SLC7A11: variants seen among roughly 807,000 people sequenced by gnomAD.
SLC7A11 encodes the protein solute carrier family 7 member 11, also known as cystine/glutamate transporter.
A neutral mutation model predicts 54.5 loss-of-function variants in SLC7A11; 35 were observed. That is an observed-to-expected ratio of 0.64 (90% CI 0.49 to 0.85). The LOEUF is 0.85. Among genes scored for constraint, SLC7A11 ranks in the 40% least tolerant of loss-of-function variants. The pLI, the probability that SLC7A11 is intolerant of heterozygous loss-of-function variation, is 0.00. For synonymous variants in SLC7A11, 230 were observed against 225.2 expected (o/e 1.02, Z -0.19); for missense variants, 583 against 618.1 (o/e 0.94, Z 0.60).
In SLC7A11 at chr4:138,236,307, T is replaced by G. The variant is rs1560741698; in HGVS notation, c.404+18A>C. 1 of 1,585,552 alleles carries G rather than the reference T, an allele frequency of 6.3e-7. No homozygotes were observed. Among genetic ancestry groups the G allele is most frequent in the Non-Finnish European group, 8.5e-7 (1 of 1,171,178 alleles). On this transcript the variant is annotated intron_variant, in intron 2 of 11. Coordinates refer to ENST00000280612, the MANE Select transcript of SLC7A11 (RefSeq NM_014331.4). ...GAATTGGTTTATTTTTTCTTAATTC[T>G]TTCTACTATGCTCTTACCGTATTAT... is the stretch of plus-strand genomic sequence containing the variant.
intron 11 of SLC7A11, among the ~76,000 whole-genome samples, chr4:138,172,741 G>A (rs1736465944): frequency 6.6e-6 from 1 of 152,202 alleles, no homozygotes; most frequent in Non-Finnish European, 1.5e-5. Context: ...TTTTCCTTCA[G>A]AACCATTGAG....
intron 3 of SLC7A11, among the ~76,000 whole-genome samples, chr4:138,227,419 T>G (rs1212752795): frequency 1.3e-5 from 2 of 152,206 alleles, no homozygotes; most frequent in Non-Finnish European, 2.9e-5. Flanking sequence ...AGTTTGTATC[T>G]AGGATCTCAC....
intron 6 of SLC7A11, among the ~76,000 whole-genome samples, chr4:138,194,270 G>GC (rs1025259268): frequency 6.6e-6 from 1 of 152,076 alleles, no homozygotes; most frequent in African/African-American, 2.4e-5. Context: ...CCTCCTGTAA[G>GC]CCCTCCCTCT....
rs948828626 is a variant in SLC7A11, at chr4:138,219,118, T to A, written c.746+148A>T. On this transcript the variant is annotated intron_variant, in intron 5 of 11. Coordinates refer to ENST00000280612, the MANE Select transcript of SLC7A11 (RefSeq NM_014331.4). ...AAAGTAATTGGCCTGGTGGAGGGGATAATACCTTATTTCTCATTTCAAGTA... is the reference window on the plus strand; with the variant it reads ...AAAGTAATTGGCCTGGTGGAGGGGAAAATACCTTATTTCTCATTTCAAGTA... 4.3e-5 allele frequency: 24 copies of A among 561,950 alleles called. No individual in the cohort carries two copies. The South Asian group carries it at 5.7e-4, about 13-fold the overall frequency. 34.8% of individuals were successfully genotyped at this position (561,950 alleles called of 1,614,324 possible).
At chr4:138,193,673 C>T (rs1485469748) in intron 6 of SLC7A11, among the ~76,000 whole-genome samples, 1 of 152,090 alleles carries the variant, frequency 6.6e-6, no homozygotes, top group African/African-American at 2.4e-5. Context: ...GTGGCAGGCA[C>T]CTGTAATCCC....
At chr4:138,188,578 T>A (rs945149145) in intron 6 of SLC7A11, among the ~76,000 whole-genome samples, 1 of 152,172 alleles carries the variant, frequency 6.6e-6, no homozygotes, top group African/African-American at 2.4e-5. Flanking sequence ...GTTTCAGGTA[T>A]CAAAGTGTAA....
intron 11 of SLC7A11, chr4:138,177,058 A>G (rs575918254): frequency 1.3e-5 from 2 of 152,240 alleles, no homozygotes; most frequent in East Asian, 1.9e-4. Flanking sequence ...CAAAATCCAG[A>G]TATAAATATT....
intron 3 of SLC7A11, among the ~76,000 whole-genome samples, chr4:138,223,542 G>A (rs1228998643): frequency 2.0e-5 from 3 of 152,146 alleles, no homozygotes; most frequent in Admixed American, 6.5e-5. Context: ...ATTGAAGTTT[G>A]AGAAACATGG....
At position 138,164,742 on chromosome 4, in the gene SLC7A11, A is replaced by AGTT. The variant is rs1399110927; in HGVS notation, c.*7211_*7213dup. 22 of 152,108 alleles carry AGTT rather than the reference A, an allele frequency of 1.4e-4. No individual in the cohort carries two copies. Among genetic ancestry groups the AGTT allele is most frequent in the African/African-American group, 5.1e-4 (21 of 41,432 alleles). The allele number at this position is 152,108 out of a possible 1,614,324, so 9.4% of individuals were successfully genotyped here. ...ACTCTGCTTGAGTTGAGGACCAGTTAGTTAGGATATTGAGGATCACTCTTT... is the reference window on the plus strand; with the variant it reads ...ACTCTGCTTGAGTTGAGGACCAGTTAGTTGTTAGGATATTGAGGATCACTCTTT... On this transcript the variant is annotated 3_prime_UTR_variant, in exon 12 of 12. Transcript: ENST00000280612.
At chr4:138,189,816 G>A (rs1445194908) in intron 6 of SLC7A11, among the ~76,000 whole-genome samples, 2 of 152,128 alleles carry the variant, frequency 1.3e-5, no homozygotes, top group East Asian at 3.9e-4. Flanking sequence ...TTCGCTAAAA[G>A]TGATCCTTGC....
chr4:138,225,387 G>A lies in SLC7A11; in HGVS notation c.521-2063C>T, dbSNP rs140899892. The stretch of plus-strand genomic sequence containing the variant: ...AGAAATATTTCAAAGGAGTAATTAT[G>A]AGAATGATCAAAAAGGCCAAACCCC... On this transcript the variant is annotated intron_variant, in intron 3 of 11. Transcript: ENST00000280612. Among the ~76,000 whole-genome samples the A allele has an allele frequency of 2.6e-4, 40 of 151,856 alleles. No homozygotes were observed. The East Asian group carries it at 7.7e-3, about 29-fold the overall frequency.
chr4:138,178,538 G>A (rs902732936), intron 11 of SLC7A11, among the ~76,000 whole-genome samples: 18 of 152,046 alleles, frequency 1.2e-4, no homozygotes, highest in African/African-American at 4.3e-4. Flanking sequence ...TCTGGTTCTA[G>A]GTTCTTGAAG....
chr4:138,202,217 T>C (rs1218107790), intron 6 of SLC7A11, among the ~76,000 whole-genome samples: 3 of 152,124 alleles, frequency 2.0e-5, no homozygotes, highest in Non-Finnish European at 4.4e-5. Flanking sequence ...TTCATCATTA[T>C]ACCACATTAA....
intron 3 of SLC7A11, among the ~76,000 whole-genome samples, chr4:138,230,605 C>A (rs1738054521): frequency 6.6e-6 from 1 of 152,016 alleles, no homozygotes; most frequent in Non-Finnish European, 1.5e-5. Context: ...ATTGTAACAC[C>A]AAGCTTCAAT....
chr4:138,223,755 C>T lies in SLC7A11; in HGVS notation c.521-431G>A, dbSNP rs536589093. ...TATGCCTGCCAATGTGGATCACACT[C>T]AAGAAGGAGCAAGAAGTGTAGAAGT... is the stretch of plus-strand genomic sequence containing the variant. On this transcript the variant is annotated intron_variant, in intron 3 of 11. Coordinates refer to ENST00000280612, the MANE Select transcript of SLC7A11 (RefSeq NM_014331.4). Among the ~76,000 whole-genome samples, 321 of 152,254 alleles carry T rather than the reference C, an allele frequency of 2.1e-3. 1 individual carries two copies. Among genetic ancestry groups the T allele is most frequent in the Middle Eastern group, 0.017 (5 of 294 alleles).
rs555708833 is a variant in SLC7A11 at position 138,236,581 on chromosome 4, T to C, written c.278-130A>G. 5 of 804,812 alleles carry C rather than the reference T, an allele frequency of 6.2e-6. No individual in the cohort carries two copies. The East Asian group carries it at 1.1e-4, about 17-fold the overall frequency. 49.9% of individuals were successfully genotyped at this position (804,812 alleles called of 1,614,324 possible). A position where few individuals can be genotyped will look rare whatever the true frequency, so the allele number is the denominator to read the frequency against. ...CCTCCTTTGGTCTGAATGGCATCCT[T>C]ACTCAAGACAAATAACCATCATCTA... On this transcript the variant is annotated intron_variant, in intron 1 of 11. Coordinates refer to ENST00000280612, the MANE Select transcript of SLC7A11 (RefSeq NM_014331.4).
rs1736378756 is a variant in SLC7A11, at chr4:138,170,229, AAAAAGTGTGTGTGTGTGTG to A, written c.*1708_*1726del. ...ACTATATATATATATATATATATAT[AAAAAGTGTGTGTGTGTGTG>A]TGTATATATATATATATATATATAC... On this transcript the variant is annotated 3_prime_UTR_variant, in exon 12 of 12. Coordinates refer to ENST00000280612, the MANE Select transcript of SLC7A11 (RefSeq NM_014331.4). The A allele has an allele frequency of 1.8e-5, 2 of 111,624 alleles. No homozygotes were observed. The highest frequency in any genetic ancestry group is 3.7e-5 in the Non-Finnish European group (2 of 54,710). 6.9% of individuals were successfully genotyped at this position (111,624 alleles called of 1,614,324 possible).
At chr4:138,234,356 A>G (rs1245410957) in intron 2 of SLC7A11, among the ~76,000 whole-genome samples, 1 of 152,232 alleles carries the variant, frequency 6.6e-6, no homozygotes, top group Non-Finnish European at 1.5e-5. Flanking sequence ...GTACTTAGGA[A>G]CTATGGGTAT....
At chr4:138,180,137 A>AT (rs1341563538) in intron 10 of SLC7A11, among the ~76,000 whole-genome samples, 1 of 152,062 alleles carries the variant, frequency 6.6e-6, no homozygotes, top group Non-Finnish European at 1.5e-5. Flanking sequence ...TTCCCTGTAT[A>AT]TTTTACATTT....
Sources: gnomAD v4.1 joint callset for allele counts (sites outside exome capture counted in the v4.1 genomes callset) on GRCh38, gnomAD v4.1.1 for gene constraint, MANE v1.5 for transcripts, NCBI Gene and HGNC (gene_info 2026-07-23, HGNC 2026-07-21) for gene names.